The following SYNPO2 variants were observed in gnomAD, a reference collection of about 807,000 sequenced individuals.
The protein encoded by SYNPO2 is synaptopodin 2, also known as synaptopodin-2.
Under a neutral mutation model 85.0 loss-of-function variants are expected in SYNPO2, and 56 were observed. That is an observed-to-expected ratio of 0.66 (90% CI 0.53 to 0.82). The LOEUF is 0.82. SYNPO2 is among the 40% of genes least tolerant of loss of function. The probability of loss-of-function intolerance (pLI) is 0.00; values close to 1 mark genes in which losing one functional copy is unlikely to be tolerated. For missense variants in SYNPO2, 1,575 were observed against 1,534.2 expected (o/e 1.03, Z -0.44); for synonymous variants, 602 against 591.1 (o/e 1.02, Z -0.27).
At chr4:118,908,571 T>G (rs1461448025) in intron 1 of SYNPO2, among the ~76,000 whole-genome samples, 2 of 152,174 alleles carry the variant, frequency 1.3e-5, no homozygotes, top group Non-Finnish European at 2.9e-5. Flanking sequence ...AGGAAGGTAT[T>G]AAAGCTTAGG....
chr4:118,916,194 AC>A (rs1258039066), intron 1 of SYNPO2, among the ~76,000 whole-genome samples: 3 of 149,604 alleles, frequency 2.0e-5, no homozygotes, highest in Admixed American at 6.7e-5. Flanking sequence ...TTTTTCTGAG[AC>A]AGAATCTTGC....
chr4:119,018,703 T>C (rs1286413954), intron 1 of SYNPO2, among the ~76,000 whole-genome samples: 1 of 152,106 alleles, frequency 6.6e-6, no homozygotes, highest in Non-Finnish European at 1.5e-5. Flanking sequence ...AGATGGTTGA[T>C]GGGTACAAAA....
chr4:119,036,446 G>C (rs1738514185), intron 4 of SYNPO2: 1 of 985,312 alleles, frequency 1.0e-6, no homozygotes, highest in Non-Finnish European at 1.2e-6. Context: ...GTGTTGCCGA[G>C]TTAGTCAACA....
rs899582108 is a variant in SYNPO2, at chr4:119,059,832, C to A, written c.*1898C>A. ...ATTGTTCAGTGATGGAGAAAAGAAA[C>A]GATAAATACTTTCCAAGGTTATATT... On this transcript the variant is annotated 3_prime_UTR_variant, in exon 5 of 5. Coordinates refer to ENST00000307142, the MANE Select transcript of SYNPO2 (RefSeq NM_133477.3). The A allele has an allele frequency of 2.0e-5, 3 of 151,506 alleles. No homozygotes were observed. Among genetic ancestry groups the A allele is most frequent in the East Asian group, 1.9e-4 (1 of 5,162 alleles). 9.4% of individuals were successfully genotyped at this position (151,506 alleles called of 1,614,324 possible). A position where few individuals can be genotyped will look rare whatever the true frequency, so the allele number is the denominator to read the frequency against.
intron 1 of SYNPO2, among the ~76,000 whole-genome samples, chr4:118,921,820 C>T (rs1014225066): frequency 6.6e-6 from 1 of 151,334 alleles, no homozygotes; most frequent in Non-Finnish European, 1.5e-5. Context: ...TTTTTGACAT[C>T]TTGTTTTCAT....
At chr4:119,020,639 G>T (rs542668806) in intron 1 of SYNPO2, among the ~76,000 whole-genome samples, 2 of 152,158 alleles carry the variant, frequency 1.3e-5, no homozygotes, top group African/African-American at 4.8e-5. Flanking sequence ...AACCTCTTTG[G>T]TCCTCCAAAG....
At chr4:119,032,617 T>C (rs1738328613) in intron 4 of SYNPO2, 1 of 990,236 alleles carries the variant, frequency 1.0e-6, no homozygotes, top group Non-Finnish European at 1.2e-6. Context: ...TGTATATAGT[T>C]TAGTAAGAAG....
intron 1 of SYNPO2, among the ~76,000 whole-genome samples, chr4:118,889,849 T>A (rs762017427): frequency 6.6e-6 from 1 of 152,230 alleles, no homozygotes; most frequent in Non-Finnish European, 1.5e-5. Flanking sequence ...CTTTAAGTTT[T>A]TATTGCCATT....
At chr4:118,891,241 T>C (rs951352467) in intron 1 of SYNPO2, among the ~76,000 whole-genome samples, 1 of 152,232 alleles carries the variant, frequency 6.6e-6, no homozygotes, top group East Asian at 1.9e-4. Flanking sequence ...AGATGTTTGC[T>C]TTGCTTTTGT....
At chr4:118,936,759 T>C (rs1486359620) in intron 1 of SYNPO2, among the ~76,000 whole-genome samples, 2 of 152,216 alleles carry the variant, frequency 1.3e-5, no homozygotes, top group Non-Finnish European at 2.9e-5. Context: ...CTATTAAGCC[T>C]GTGGTGTCCT....
At chr4:119,047,068 A>T (rs957612506) in intron 4 of SYNPO2, among the ~76,000 whole-genome samples, 5 of 150,386 alleles carry the variant, frequency 3.3e-5, no homozygotes, top group South Asian at 2.1e-4. Flanking sequence ...TTGTTTATTT[A>T]TTTTTTTTTT....
chr4:119,007,158 GCACA>G (rs1156526106), intron 1 of SYNPO2, among the ~76,000 whole-genome samples: 4 of 122,002 alleles, frequency 3.3e-5, no homozygotes, highest in Non-Finnish European at 7.1e-5. Context: ...ACACACACAC[GCACA>G]CACACACACA....
At chr4:118,902,663 T>C (rs1485732045) in intron 1 of SYNPO2, among the ~76,000 whole-genome samples, 1 of 152,192 alleles carries the variant, frequency 6.6e-6, no homozygotes, top group Non-Finnish European at 1.5e-5. Context: ...GAATAATCAC[T>C]ACAACCTCTT....
intron 1 of SYNPO2, among the ~76,000 whole-genome samples, chr4:118,954,403 T>C (rs569638580): frequency 2.0e-5 from 3 of 152,142 alleles, no homozygotes; most frequent in Non-Finnish European, 4.4e-5. Context: ...ACACAAATGG[T>C]AATACAAAGT....
intron 4 of SYNPO2, among the ~76,000 whole-genome samples, chr4:119,051,757 G>A (rs931271068): frequency 6.6e-6 from 1 of 152,166 alleles, no homozygotes; most frequent in Non-Finnish European, 1.5e-5. Context: ...GAGATGACAG[G>A]ATGTTGAAGT....
intron 1 of SYNPO2, among the ~76,000 whole-genome samples, chr4:118,904,868 T>G (rs1732881515): frequency 6.6e-6 from 1 of 152,210 alleles, no homozygotes; most frequent in Non-Finnish European, 1.5e-5. Flanking sequence ...CATAGCAGTT[T>G]CCATTGGATG....
chr4:119,058,810 T>C lies in SYNPO2; in HGVS notation c.*876T>C. On this transcript the variant is annotated 3_prime_UTR_variant, in exon 5 of 5. Coordinates refer to ENST00000307142, the MANE Select transcript of SYNPO2 (RefSeq NM_133477.3). The stretch of plus-strand genomic sequence containing the variant: ...TTTTTTAAAAAAATCTAATAAATCT[T>C]AGATTTTTAAAAAAGAATTAAAATG... 6.6e-6 allele frequency: 1 copy of C among 152,158 alleles called. No homozygotes were observed. The highest frequency in any genetic ancestry group is 2.1e-4 in the South Asian group (1 of 4,808). The allele number at this position is 152,158 out of a possible 1,614,324, so 9.4% of individuals were successfully genotyped here. A position where few individuals can be genotyped will look rare whatever the true frequency, so the allele number is the denominator to read the frequency against.
intron 1 of SYNPO2, among the ~76,000 whole-genome samples, chr4:118,974,686 T>G (rs867053019): frequency 1.1e-4 from 17 of 152,196 alleles, no homozygotes; most frequent in African/African-American, 3.6e-4. Context: ...CCCCAGATTT[T>G]GATTCTTTCC....
intron 1 of SYNPO2, among the ~76,000 whole-genome samples, chr4:118,932,795 A>C (rs1030654842): frequency 3.3e-5 from 5 of 152,210 alleles, no homozygotes; most frequent in Non-Finnish European, 5.9e-5. Context: ...GTTGTATTGA[A>C]ACAAGAACCT....
Sources: gnomAD v4.1 joint callset for allele counts (sites outside exome capture counted in the v4.1 genomes callset) on GRCh38, gnomAD v4.1.1 for gene constraint, MANE v1.5 for transcripts, NCBI Gene and HGNC (gene_info 2026-07-23, HGNC 2026-07-21) for gene names.